ZNF331: variants seen among roughly 807,000 people sequenced by gnomAD.
ZNF331 encodes the protein zinc finger protein 331.
ZNF331 carries 2 observed loss-of-function variants against 7.0 expected under a neutral mutation model. The ratio of observed to expected loss-of-function variants is 0.29; its 90% CI spans 0.12 to 0.90. The LOEUF (loss-of-function observed/expected upper bound fraction) is 0.90. Ranked by LOEUF, ZNF331 falls within the 40% of genes least tolerant of loss-of-function variation. ZNF331 has a pLI of 0.58. For synonymous variants in ZNF331, 196 were observed against 205.4 expected, an observed-to-expected ratio of 0.95 and a Z score of 0.39; for missense variants, 432 against 587.7, an observed-to-expected ratio of 0.74 and a Z score of 2.74.
chr19:53,572,428 G>A (rs985231335), intron 5 of ZNF331, among the ~76,000 whole-genome samples: 1 of 151,710 alleles, frequency 6.6e-6, no homozygotes, highest in Non-Finnish European at 1.5e-5. Context: ...AGGAGTTGAA[G>A]GCTATAGTTA....
At chr19:53,550,486 T>C (rs1245196160) in intron 2 of ZNF331, among the ~76,000 whole-genome samples, 1 of 151,896 alleles carries the variant, frequency 6.6e-6, no homozygotes, top group Non-Finnish European at 1.5e-5. Context: ...ATAATGACAT[T>C]CTTTGCCTCT....
At chr19:53,562,937 G>A (rs778077302) in intron 3 of ZNF331, among the ~76,000 whole-genome samples, 3 of 151,610 alleles carry the variant, frequency 2.0e-5, no homozygotes, top group Non-Finnish European at 4.4e-5. Flanking sequence ...GCAGTGAGTC[G>A]AGATTGCGCC....
chr19:53,564,490 G>C (rs1014545143), intron 3 of ZNF331, among the ~76,000 whole-genome samples: 4 of 151,724 alleles, frequency 2.6e-5, no homozygotes, highest in African/African-American at 9.7e-5. Flanking sequence ...ATGTTGGCCA[G>C]GCTGGTTTTG....
upstream of ZNF331, among the ~76,000 whole-genome samples, chr19:53,519,338 C>A (rs1194562982): frequency 6.6e-6 from 1 of 152,186 alleles, no homozygotes; most frequent in East Asian, 1.9e-4. Context: ...TCGGAAGCCC[C>A]CTGCTCTTTT....
rs779214288 is a variant in ZNF331 at position 53,577,975 on chromosome 19, C to T, written c.*23C>T. Reference sequence around the variant, plus strand: ...TGAAGAGCCTTTTGAACGCAGTAGCCCGCTCGTATCTATGGTTTCGCTTTC... The same window carrying T: ...TGAAGAGCCTTTTGAACGCAGTAGCTCGCTCGTATCTATGGTTTCGCTTTC... On this transcript the variant is annotated 3_prime_UTR_variant, in exon 6 of 6. Coordinates refer to ENST00000449416, the MANE Select transcript of ZNF331 (RefSeq NM_001079906.2). 3 of 1,584,912 alleles carry T rather than the reference C, an allele frequency of 1.9e-6. No homozygotes were observed. In the South Asian group the frequency reaches 3.4e-5, roughly 18 times the overall value.
At chr19:53,572,762 CATT>C (rs2090525240) in intron 5 of ZNF331, among the ~76,000 whole-genome samples, 1 of 151,846 alleles carries the variant, frequency 6.6e-6, no homozygotes, top group Admixed American at 6.6e-5. Context: ...CAGGCACAAT[CATT>C]GTCTATTTTG....
chr19:53,539,408 T>C lies in ZNF331; in HGVS notation c.-138+126T>C, dbSNP rs1234762051. ...CTTAGCTTTTTGAGCCTTCTGAAGA[T>C]AGGCTTGTGAGGAGGGTGAAATGCA... On this transcript the variant is annotated intron_variant, in intron 2 of 5. Coordinates refer to ENST00000449416, the MANE Select transcript of ZNF331 (RefSeq NM_001079906.2). The surrounding 1 kb of genome is among the most constrained non-coding windows in gnomAD (Gnocchi z 6.1). The C allele has an allele frequency of 6.6e-6, 1 of 152,178 alleles. No homozygotes were observed. Among genetic ancestry groups the C allele is most frequent in the Non-Finnish European group, 1.5e-5 (1 of 68,028 alleles). 9.4% of individuals were successfully genotyped at this position (152,178 alleles called of 1,614,324 possible).
At position 53,575,499 on chromosome 19, in the gene ZNF331, CTTTTTTT is replaced by C. The variant is rs34296898; in HGVS notation, c.137-1182_137-1176del. ...AATGTTGTATTCTTTTACCCAGTTG[CTTTTTTT>C]TTTTTTTTTTTTTTTGAGACGGAGT... On this transcript the variant is annotated intron_variant, in intron 5 of 5. Coordinates refer to ENST00000449416, the MANE Select transcript of ZNF331 (RefSeq NM_001079906.2). Among the ~76,000 whole-genome samples, 376 of 75,912 alleles carry C rather than the reference CTTTTTTT, an allele frequency of 5.0e-3. 1 individual carries two copies. The highest frequency in any genetic ancestry group is 0.019 in the African/African-American group (340 of 18,030). 49.8% of individuals were successfully genotyped at this position (75,912 alleles called of 152,430 possible). A position where few individuals can be genotyped will look rare whatever the true frequency, so the allele number is the denominator to read the frequency against.
intron 3 of ZNF331, among the ~76,000 whole-genome samples, chr19:53,559,769 C>CAT: frequency 1.6e-5 from 1 of 63,992 alleles, no homozygotes; most frequent in Admixed American, 1.3e-4. Context: ...CACACATACC[C>CAT]ATATATACAT....
At chr19:53,557,933 T>G (rs2089541317) in intron 3 of ZNF331, among the ~76,000 whole-genome samples, 1 of 152,130 alleles carries the variant, frequency 6.6e-6, no homozygotes, top group East Asian at 1.9e-4. Context: ...GCCACCACAC[T>G]CCAGCCTAGG....
At chr19:53,509,207 G>A in the ZNF331 span, among the ~76,000 whole-genome samples, 18 of 152,140 alleles carry the variant, frequency 1.2e-4, no homozygotes, top group African/African-American at 2.9e-4. Flanking sequence ...GTGCCCTTTC[G>A]GTACCCATCT....
intron 2 of ZNF331, among the ~76,000 whole-genome samples, chr19:53,543,197 G>C (rs1260034821): frequency 6.6e-6 from 1 of 152,158 alleles, no homozygotes; most frequent in African/African-American, 2.4e-5. Context: ...CTGTGAGGCA[G>C]GAGGATCGCT....
upstream of ZNF331, among the ~76,000 whole-genome samples, chr19:53,535,183 C>T (rs577260988): frequency 2.0e-5 from 3 of 151,778 alleles, no homozygotes; most frequent in South Asian, 6.2e-4. Flanking sequence ...GCAACCTCTG[C>T]CTCCCGGGTT....
At chr19:53,517,251 A>C (rs1204249438), upstream of ZNF331, among the ~76,000 whole-genome samples, 1 of 152,250 alleles carries the variant, frequency 6.6e-6, no homozygotes, top group Non-Finnish European at 1.5e-5. Context: ...CACCCTTGAC[A>C]TAAGTAACTC....
At chr19:53,545,397 G>A (rs1032473940) in intron 2 of ZNF331, among the ~76,000 whole-genome samples, 6 of 152,348 alleles carry the variant, frequency 3.9e-5, no homozygotes, top group Admixed American at 2.0e-4. Context: ...CAAGCAAGGG[G>A]CACCGAACAG....
the ZNF331 span, among the ~76,000 whole-genome samples, chr19:53,507,668 C>T: frequency 1.3e-5 from 2 of 152,106 alleles, no homozygotes; most frequent in Non-Finnish European, 1.5e-5. Context: ...GTGCCAGCCA[C>T]GTGGAACCTG....
chr19:53,515,600 C>T (rs1057387302), upstream of ZNF331, among the ~76,000 whole-genome samples: 1 of 152,222 alleles, frequency 6.6e-6, no homozygotes, highest in East Asian at 1.9e-4. Context: ...TGGGTTCAAG[C>T]AATTCTCCTG....
intron 5 of ZNF331, among the ~76,000 whole-genome samples, chr19:53,574,046 G>A (rs1295659135): frequency 1.3e-5 from 2 of 152,114 alleles, no homozygotes; most frequent in African/African-American, 4.8e-5. Context: ...GACCTGGGAG[G>A]CAGAGGCTGC....
At chr19:53,505,801 A>T in the ZNF331 span, among the ~76,000 whole-genome samples, 1 of 151,942 alleles carries the variant, frequency 6.6e-6, no homozygotes, top group Admixed American at 6.6e-5. Context: ...CCTGGCCAAC[A>T]TGGTGAAACC....
Sources: gnomAD v4.1 joint callset for allele counts (sites outside exome capture counted in the v4.1 genomes callset) on GRCh38, gnomAD v4.1.1 for gene constraint, Gnocchi (gnomAD v3.1) non-coding constraint, MANE v1.5 for transcripts, NCBI Gene and HGNC (gene_info 2026-07-23, HGNC 2026-07-21) for gene names.